HECW2: variants seen among roughly 807,000 people sequenced by gnomAD.
HECW2 encodes HECT, C2 and WW domain containing E3 ubiquitin protein ligase 2.
HECW2 carries 61 observed loss-of-function variants against 175.2 expected under a neutral mutation model. The ratio of observed to expected loss-of-function variants is 0.35; its 90% CI spans 0.28 to 0.43. The LOEUF (loss-of-function observed/expected upper bound fraction) is 0.43. HECW2 is among the 20% of genes least tolerant of loss of function. HECW2 has a pLI of 1.00. For missense variants in HECW2, 1,524 were observed against 2,000.5 expected (o/e 0.76, Z 4.54); for synonymous variants, 671 against 731.0 (o/e 0.92, Z 1.32).
rs564379405 is a variant in HECW2 at position 196,197,431 on chromosome 2, A to C, written c.*3846T>G. 6.6e-6 allele frequency: 1 copy of C among 151,980 alleles called. No individual in the cohort carries two copies. The highest frequency in any genetic ancestry group is 2.4e-5 in the African/African-American group (1 of 41,432). 9.4% of individuals were successfully genotyped at this position (151,980 alleles called of 1,614,324 possible). A position where few individuals can be genotyped will look rare whatever the true frequency, so the allele number is the denominator to read the frequency against. ...TTCCATTATCTTGTTTCCAAATAAT[A>C]CTTGAGAAAATTAAATGACTATTCT... On this transcript the variant is annotated 3_prime_UTR_variant, in exon 29 of 29. Coordinates refer to ENST00000644978, the MANE Select transcript of HECW2 (RefSeq NM_001348768.2).
At chr2:196,203,634 T>G (rs1413066452) in intron 28 of HECW2, among the ~76,000 whole-genome samples, 4 of 152,230 alleles carry the variant, frequency 2.6e-5, no homozygotes, top group Admixed American at 2.6e-4. Context: ...CTCTTGCTTT[T>G]TACATTTCCT....
intron 2 of HECW2, among the ~76,000 whole-genome samples, chr2:196,347,525 G>T (rs1693002512): frequency 6.6e-6 from 1 of 152,178 alleles, no homozygotes; most frequent in Non-Finnish European, 1.5e-5. Flanking sequence ...TGAAATCTGT[G>T]ACATTTAAAG....
chr2:196,508,492 T>A (rs1687842268), intron 1 of HECW2, among the ~76,000 whole-genome samples: 1 of 152,240 alleles, frequency 6.6e-6, no homozygotes, highest in Non-Finnish European at 1.5e-5. Context: ...ACTTTCAAAG[T>A]TCACGGATTA....
intron 21 of HECW2, among the ~76,000 whole-genome samples, chr2:196,236,776 G>A (rs540206838): frequency 1.3e-5 from 2 of 152,294 alleles, no homozygotes; most frequent in Admixed American, 1.3e-4. Flanking sequence ...GAGGTAAAGT[G>A]CCACCCTCAC....
At chr2:196,233,361 C>T (rs1688127813) in intron 21 of HECW2, among the ~76,000 whole-genome samples, 1 of 152,160 alleles carries the variant, frequency 6.6e-6, no homozygotes, top group South Asian at 2.1e-4. Context: ...GTTGGCACTC[C>T]ACCCAAGTTG....
In HECW2 at chr2:196,318,701, T is replaced by C. The variant is rs1691800550; in HGVS notation, c.2189A>G (p.Gln730Arg). 6.3e-7 allele frequency: 1 copy of C among 1,587,826 alleles called. No homozygotes were observed. Among genetic ancestry groups the C allele is most frequent in the Non-Finnish European group, 8.6e-7 (1 of 1,167,372 alleles). ...PGAESATVPD[Q>R]EELGEVWQRR... is the part of the protein sequence containing the mutation. ...CTGCCAGACCTCCCCCAGCTCCTCC[T>C]GGTCAGGTACAGTGGCCGATTCTGC... The change falls in exon 9 of 29, where the codon CAG becomes CGG. Residue 730 changes from glutamine (Q) to arginine (R), a missense_variant. This residue lies in a region of HECW2 where 604 missense variants were observed against 588.3 expected (regional missense o/e 1.03). Transcript: ENST00000644978.
chr2:196,515,884 G>A (rs1688128179), intron 1 of HECW2, among the ~76,000 whole-genome samples: 1 of 151,932 alleles, frequency 6.6e-6, no homozygotes, highest in Non-Finnish European at 1.5e-5. Flanking sequence ...AACACTTTGG[G>A]AGGTGGAGGT....
At chr2:196,423,058 A>G (rs1025408843) in intron 2 of HECW2, among the ~76,000 whole-genome samples, 1 of 152,142 alleles carries the variant, frequency 6.6e-6, no homozygotes, top group Non-Finnish European at 1.5e-5. Flanking sequence ...TGTTTTCCTT[A>G]GGTAGAAGTG....
intron 26 of HECW2, 153 bp from the exon 27 acceptor site, chr2:196,217,246 T>A (rs887411881): frequency 4.3e-6 from 2 of 467,600 alleles, no homozygotes; most frequent in Non-Finnish European, 7.6e-6. Flanking sequence ...ACACTGTATA[T>A]ATGATCATAT....
chr2:196,550,043 T>C (rs556015417), intron 1 of HECW2, among the ~76,000 whole-genome samples: 85 of 152,360 alleles, frequency 5.6e-4, no homozygotes, highest in African/African-American at 1.7e-3. Context: ...GTGCTGACTT[T>C]AGAGGCTTGA....
intron 1 of HECW2, among the ~76,000 whole-genome samples, chr2:196,549,384 T>A (rs1028774007): frequency 1.3e-5 from 2 of 152,208 alleles, no homozygotes; most frequent in Admixed American, 1.3e-4. Context: ...CACTTTTAAA[T>A]GTATCCCAAA....
At chr2:196,442,707 T>A (rs780452335) in intron 1 of HECW2, among the ~76,000 whole-genome samples, 9 of 152,200 alleles carry the variant, frequency 5.9e-5, no homozygotes, top group Non-Finnish European at 8.8e-5. Context: ...ACAATATAAT[T>A]AAATTGTGTT....
intron 15 of HECW2, among the ~76,000 whole-genome samples, chr2:196,277,450 G>A (rs1469777057): frequency 6.6e-6 from 1 of 152,138 alleles, no homozygotes; most frequent in African/African-American, 2.4e-5. Flanking sequence ...CAGTTAGAAT[G>A]GCAATCATTA....
chr2:196,339,532 T>G (rs1240024539), intron 3 of HECW2, among the ~76,000 whole-genome samples: 9 of 152,304 alleles, frequency 5.9e-5, no homozygotes, highest in African/African-American at 1.9e-4. Context: ...CAAGATTTAG[T>G]GAGCACCTAG....
chr2:196,228,070 CTG>C (rs753166372), intron 22 of HECW2, 30 bp downstream of exon 22: 5 of 1,490,184 alleles, frequency 3.4e-6, no homozygotes, highest in Non-Finnish European at 4.5e-6. Flanking sequence ...AGGAAATCGC[CTG>C]AAGAAAAGTG....
intron 1 of HECW2, among the ~76,000 whole-genome samples, chr2:196,526,985 T>C (rs1174332574): frequency 1.3e-5 from 2 of 152,128 alleles, no homozygotes; most frequent in African/African-American, 4.8e-5. Context: ...GCAGGCCTCC[T>C]TGAGCTGTGG....
intron 1 of HECW2, among the ~76,000 whole-genome samples, chr2:196,466,429 A>G (rs1434664362): frequency 6.6e-6 from 1 of 152,222 alleles, no homozygotes; most frequent in East Asian, 1.9e-4. Flanking sequence ...TTTAGCTAGC[A>G]AGGGTTACCT....
chr2:196,322,605 C>A lies in HECW2; in HGVS notation c.757G>T (p.Ala253Ser). ...ATTTCTAAGACATCAGTAAGAAGTGCAAAAAAGGAATATTTCTGAAAACAC... is the reference window on the plus strand; with the variant it reads ...ATTTCTAAGACATCAGTAAGAAGTGAAAAAAAGGAATATTTCTGAAAACAC... ...IWHREKYSFF[A>S]LLTDVLEIEI... Residue 253 changes from alanine to serine, a missense_variant, in exon 7 of 29, where the codon GCA becomes TCA. Transcript: ENST00000644978. 1.2e-6 allele frequency: 2 copies of A among 1,608,696 alleles called. No homozygotes were observed. The highest frequency in any genetic ancestry group is 1.7e-5 in the Admixed American group (1 of 59,034).
chr2:196,342,407 G>GA (rs1166917244), intron 3 of HECW2, among the ~76,000 whole-genome samples: 272 of 58,400 alleles, frequency 4.7e-3, no homozygotes, highest in Middle Eastern at 0.011. Context: ...TCCGTTTCAA[G>GA]AAAAAAAAAA....
Sources: gnomAD v4.1 joint callset for allele counts (sites outside exome capture counted in the v4.1 genomes callset) on GRCh38, gnomAD v4.1.1 for gene constraint, gnomAD v4.1.1 regional missense constraint, MANE v1.5 for transcripts, NCBI Gene and HGNC (gene_info 2026-07-23, HGNC 2026-07-21) for gene names.